The following PRKG1 variants were observed in gnomAD, a reference collection of about 807,000 sequenced individuals.
The protein encoded by PRKG1 is protein kinase cGMP-dependent 1, also known as cGMP-dependent protein kinase 1.
Under a neutral mutation model 88.1 loss-of-function variants are expected in PRKG1, and 35 were observed. That is an observed-to-expected ratio of 0.40 (90% confidence interval 0.30 to 0.53). PRKG1 has a LOEUF of 0.53. Among genes scored for constraint, PRKG1 ranks in the 20% least tolerant of loss-of-function variants. The pLI is 0.59. For synonymous variants in PRKG1, 303 were observed against 292.5 expected (o/e 1.04, Z -0.37); for missense variants, 540 against 839.8 (o/e 0.64, Z 4.41).
intron 5 of PRKG1, among the ~76,000 whole-genome samples, chr10:51,944,192 G>T (rs1287814329): frequency 2.6e-5 from 4 of 151,854 alleles, no homozygotes; most frequent in Non-Finnish European, 5.9e-5. Flanking sequence ...GGAGGGTGTA[G>T]GTGTTGAGGA....
intron 3 of PRKG1, among the ~76,000 whole-genome samples, chr10:51,659,403 G>A (rs979484200): frequency 6.6e-6 from 1 of 152,094 alleles, no homozygotes; most frequent in African/African-American, 2.4e-5. Context: ...TAGGCCCAGA[G>A]GAGCTGAGCC....
At chr10:52,086,833 C>A (rs910397780) in intron 7 of PRKG1, among the ~76,000 whole-genome samples, 1 of 152,132 alleles carries the variant, frequency 6.6e-6, no homozygotes, top group Non-Finnish European at 1.5e-5. Flanking sequence ...TTAATTGACT[C>A]GCAGTTCCGC....
chr10:51,592,455 C>A (rs1838334940), intron 3 of PRKG1, among the ~76,000 whole-genome samples: 1 of 152,180 alleles, frequency 6.6e-6, no homozygotes, highest in East Asian at 1.9e-4. Context: ...CTTGTGCTGA[C>A]TTCCATAGCT....
intron 10 of PRKG1, among the ~76,000 whole-genome samples, chr10:52,266,186 TTTATTATTA>T (rs60451262): frequency 0.022 from 3,309 of 149,234 alleles, 119 homozygotes; most frequent in African/African-American, 0.077. Context: ...ATATTAATGC[TTTATTATTA>T]TTATTATTAT....
intron 9 of PRKG1, among the ~76,000 whole-genome samples, chr10:52,199,262 A>G (rs1383908863): frequency 6.6e-6 from 1 of 151,994 alleles, no homozygotes; most frequent in Non-Finnish European, 1.5e-5. Context: ...TATCCTCCCT[A>G]TCGTATTATC....
At chr10:51,946,078 C>T (rs1843026700) in intron 5 of PRKG1, among the ~76,000 whole-genome samples, 1 of 152,064 alleles carries the variant, frequency 6.6e-6, no homozygotes, top group Non-Finnish European at 1.5e-5. Context: ...TTCTCCCCGT[C>T]AATTTCATTC....
chr10:51,439,907 G>A (rs566064840), intron 2 of PRKG1, among the ~76,000 whole-genome samples: 58 of 152,004 alleles, frequency 3.8e-4, no homozygotes, highest in African/African-American at 1.4e-3. Context: ...TGTTGAACTT[G>A]AAGAATTCTT....
intron 8 of PRKG1, among the ~76,000 whole-genome samples, chr10:52,135,027 T>G (rs1289101624): frequency 1.3e-5 from 2 of 152,108 alleles, no homozygotes; most frequent in African/African-American, 2.4e-5. Context: ...GGAAGAAGAT[T>G]CAAAGGAGCA....
At chr10:52,280,724 AAAAAT>A in intron 12 of PRKG1, 60 bp from the exon 13 acceptor site, 1 of 1,541,144 alleles carries the variant, frequency 6.5e-7, no homozygotes, top group Non-Finnish European at 8.8e-7. Context: ...ATGAGAAAAA[AAAAAT>A]AAAGCCATAT....
chr10:52,179,893 T>G (rs1261506867), intron 9 of PRKG1, among the ~76,000 whole-genome samples: 1 of 152,188 alleles, frequency 6.6e-6, no homozygotes. Flanking sequence ...TTCACTGTGT[T>G]GGCCAGGCTG....
rs1372661816 is a variant in PRKG1 at position 52,298,150 on chromosome 10, A to G, written c.*4250A>G. 1 of 152,078 alleles carries G rather than the reference A, an allele frequency of 6.6e-6. No homozygotes were observed. Among genetic ancestry groups the G allele is most frequent in the East Asian group, 1.9e-4 (1 of 5,190 alleles). The allele number at this position is 152,078 out of a possible 1,614,324, so 9.4% of individuals were successfully genotyped here. A position where few individuals can be genotyped will look rare whatever the true frequency, so the allele number is the denominator to read the frequency against. On this transcript the variant is annotated 3_prime_UTR_variant, in exon 18 of 18. Coordinates refer to ENST00000373980, the MANE Select transcript of PRKG1 (RefSeq NM_006258.4). Reference sequence around the variant, plus strand: ...ATTGTCCTCTTACAATTTGTTCTACATGAAAGAGTTCTTTGTTAGTCAGAA... The same window carrying G: ...ATTGTCCTCTTACAATTTGTTCTACGTGAAAGAGTTCTTTGTTAGTCAGAA...
intron 13 of PRKG1, among the ~76,000 whole-genome samples, chr10:52,281,781 T>C (rs533563810): frequency 6.6e-6 from 1 of 152,280 alleles, no homozygotes; most frequent in South Asian, 2.1e-4. Flanking sequence ...TCATGTATAT[T>C]CTGGGAAAGA....
chr10:51,688,345 C>T (rs1841046633), intron 3 of PRKG1, among the ~76,000 whole-genome samples: 1 of 152,006 alleles, frequency 6.6e-6, no homozygotes, highest in Admixed American at 6.6e-5. Context: ...TTCTGTTCTC[C>T]TCAGTATATA....
At chr10:51,783,005 A>G (rs1042630975) in intron 3 of PRKG1, among the ~76,000 whole-genome samples, 2 of 152,024 alleles carry the variant, frequency 1.3e-5, no homozygotes, top group Admixed American at 1.3e-4. Context: ...CAGTAGTAAG[A>G]TTGCCAGGTG....
chr10:51,352,261 T>C lies in PRKG1; in HGVS notation c.479-115462T>C, dbSNP rs1324415945. Among the ~76,000 whole-genome samples, 4 of 78,576 alleles carry C rather than the reference T, an allele frequency of 5.1e-5. No individual in the cohort carries two copies. In the East Asian group the frequency reaches 1.2e-3, roughly 24 times the overall value. The allele number at this position is 78,576 out of a possible 152,430, so 51.5% of individuals were successfully genotyped here. ...TGGTTCCATATGGAATTTAAAGAATTTTTTTTTTTCTAATTCTGTGAAGAA... is the reference window on the plus strand; with the variant it reads ...TGGTTCCATATGGAATTTAAAGAATCTTTTTTTTTCTAATTCTGTGAAGAA... On this transcript the variant is annotated intron_variant, in intron 2 of 17. Coordinates refer to ENST00000373980, the MANE Select transcript of PRKG1 (RefSeq NM_006258.4).
At chr10:51,266,465 T>TA (rs1485372109) in intron 2 of PRKG1, among the ~76,000 whole-genome samples, 1 of 152,226 alleles carries the variant, frequency 6.6e-6, no homozygotes, top group Non-Finnish European at 1.5e-5. Flanking sequence ...GTATAAGTGT[T>TA]AGAGAATCAG....
intron 3 of PRKG1, among the ~76,000 whole-genome samples, chr10:51,766,744 A>G (rs943348581): frequency 1.3e-5 from 2 of 152,140 alleles, no homozygotes; most frequent in South Asian, 2.1e-4. Context: ...CAAAGATCGC[A>G]TCTCCAAATA....
chr10:52,065,432 C>A (rs1197938525), intron 7 of PRKG1, among the ~76,000 whole-genome samples: 1 of 152,068 alleles, frequency 6.6e-6, no homozygotes, highest in Non-Finnish European at 1.5e-5. Flanking sequence ...ACATTATGAG[C>A]CTTTTTCTTC....
At chr10:51,887,043 G>T (rs191824935) in intron 4 of PRKG1, among the ~76,000 whole-genome samples, 1 of 152,196 alleles carries the variant, frequency 6.6e-6, no homozygotes, top group Non-Finnish European at 1.5e-5. Flanking sequence ...TCGGAGTGCA[G>T]TGGTGCATCT....
Sources: gnomAD v4.1 joint callset for allele counts (sites outside exome capture counted in the v4.1 genomes callset) on GRCh38, gnomAD v4.1.1 for gene constraint, MANE v1.5 for transcripts, NCBI Gene and HGNC (gene_info 2026-07-23, HGNC 2026-07-21) for gene names.